The following SELP variants were observed in gnomAD, a reference collection of about 807,000 sequenced individuals.
The protein encoded by SELP is selectin P, also known as P-selectin.
SELP carries 92 observed loss-of-function variants against 104.1 expected under a neutral mutation model. The observed-to-expected ratio is 0.88, with a 90% CI of 0.75 to 1.05. The LOEUF (loss-of-function observed/expected upper bound fraction) is 1.05, where lower values mean the gene tolerates loss of function less well. Ranked by LOEUF, SELP falls within the 50% of genes least tolerant of loss-of-function variation. SELP has a pLI of 0.00. For synonymous variants in SELP, 397 were observed against 364.5 expected, an observed-to-expected ratio of 1.09 and a Z score of -1.01; for missense variants, 1,022 against 1,017.3, an observed-to-expected ratio of 1.00 and a Z score of -0.06.
At chr1:169,616,213 C>T (rs1662801165) in intron 3 of SELP, among the ~76,000 whole-genome samples, 1 of 152,208 alleles carries the variant, frequency 6.6e-6, no homozygotes, top group African/African-American at 2.4e-5. Context: ...TACCCTCCCA[C>T]CAAAGTTCAA....
At chr1:169,629,627 G>A (rs1420830750) in intron 1 of SELP, among the ~76,000 whole-genome samples, 1 of 152,302 alleles carries the variant, frequency 6.6e-6, no homozygotes, top group African/African-American at 2.4e-5. Flanking sequence ...TTGTCCCAGG[G>A]CACCTACCCA....
intron 2 of SELP, among the ~76,000 whole-genome samples, chr1:169,617,722 T>G (rs1213280408): frequency 6.6e-6 from 1 of 152,188 alleles, no homozygotes. Context: ...CTCCTGTCCT[T>G]TTATAAAAGA....
At chr1:169,604,959 T>C (rs1454445625) in intron 9 of SELP, among the ~76,000 whole-genome samples, 5 of 152,212 alleles carry the variant, frequency 3.3e-5, no homozygotes, top group Non-Finnish European at 7.3e-5. Context: ...CAGCCCACAT[T>C]TGGGTATTTC....
chr1:169,629,977 T>C lies in SELP; in HGVS notation c.3+95A>G, dbSNP rs375282294. 905 of 1,494,458 alleles carry C rather than the reference T, an allele frequency of 6.1e-4. 13 individuals are homozygous for C. In the South Asian group the frequency reaches 9.5e-3, roughly 16 times the overall value. The allele number at this position is 1,494,458 out of a possible 1,614,324, so 92.6% of individuals were successfully genotyped here. On this transcript the variant is annotated intron_variant, in intron 1 of 16. Transcript: ENST00000263686. ...CAACATAAAACTCCATGGCTATCGC[T>C]GTTCCTCACTTTCTGAACCTTTACC...
intron 3 of SELP, among the ~76,000 whole-genome samples, chr1:169,616,761 G>A (rs924082787): frequency 2.0e-5 from 3 of 152,168 alleles, no homozygotes; most frequent in African/African-American, 7.2e-5. Context: ...CTAAAACCTC[G>A]TGAGTGTCCT....
chr1:169,596,677 T>G (rs914691416), intron 11 of SELP, among the ~76,000 whole-genome samples: 2 of 152,246 alleles, frequency 1.3e-5, no homozygotes, highest in Non-Finnish European at 2.9e-5. Flanking sequence ...ACTGGACCAG[T>G]GACTCTACCC....
chr1:169,594,630 G>A, intron 13 of SELP, 62 bp downstream of exon 13: 1 of 1,525,984 alleles, frequency 6.6e-7, no homozygotes, highest in South Asian at 1.2e-5. Flanking sequence ...ACACAGGGAA[G>A]AAACACTGAT....
chr1:169,613,587 G>A lies in SELP; in HGVS notation c.588C>T (p.Tyr196=), dbSNP rs139931786. 110 of 1,610,332 alleles carry A rather than the reference G, an allele frequency of 6.8e-5. 2 individuals carry two copies. The highest frequency in any genetic ancestry group is 3.4e-4 in the South Asian group (31 of 91,016). ...YPGFYGPECE[Y]VRECGELELP... ...ATATCAACAAAAAGGAAGCCTCACC[G>A]TATTCACATTCTGGCCCATAGAATC... Residue 196 remains tyrosine (Y), a splice_region_variant and synonymous_variant, in exon 4 of 17, where the codon TAC becomes TAT. Coordinates refer to ENST00000263686, the MANE Select transcript of SELP (RefSeq NM_003005.4).
chr1:169,603,340 T>C, intron 9 of SELP, 129 bp from the exon 10 acceptor site: 1 of 698,260 alleles, frequency 1.4e-6, no homozygotes, highest in Non-Finnish European at 2.3e-6. Flanking sequence ...TGTGTGTGTG[T>C]GTGTGTGTGA....
chr1:169,611,934 C>A (rs146986612), intron 6 of SELP, among the ~76,000 whole-genome samples: 5 of 152,170 alleles, frequency 3.3e-5, no homozygotes, highest in African/African-American at 1.2e-4. Flanking sequence ...CTCAGTAGGT[C>A]TTCTAGTGTC....
Position 169,591,470 on chromosome 1 carries a change from G to C in SELP, c.2408-14C>G. The C allele has an allele frequency of 6.6e-7, 1 of 1,514,106 alleles. No homozygotes were observed. The highest frequency in any genetic ancestry group is 9.0e-7 in the Non-Finnish European group (1 of 1,116,378). The allele number at this position is 1,514,106 out of a possible 1,614,324, so 93.8% of individuals were successfully genotyped here. Reference sequence around the variant, plus strand: ...ATTTCCCATCATCTAAAATCAGCAAGAAGACAAGAATGAATGATTAAAAAA... The same window carrying C: ...ATTTCCCATCATCTAAAATCAGCAACAAGACAAGAATGAATGATTAAAAAA... On this transcript the variant is annotated splice_polypyrimidine_tract_variant and intron_variant, in intron 14 of 16. Transcript: ENST00000263686.
In SELP at chr1:169,594,887, A is replaced by G. The variant is rs752853885; in HGVS notation, c.2102-10T>C. ...TCTGAGCATTTCACAGCTGCAGAAA[A>G]GAAATAATGCAAGAGAAACAACATG... is the stretch of plus-strand genomic sequence containing the variant. On this transcript the variant is annotated splice_polypyrimidine_tract_variant and intron_variant, in intron 12 of 16. Transcript: ENST00000263686. 2 of 1,607,338 alleles carry G rather than the reference A, an allele frequency of 1.2e-6. No individual in the cohort carries two copies. Among genetic ancestry groups the G allele is most frequent in the Non-Finnish European group, 1.7e-6 (2 of 1,175,280 alleles).
chr1:169,610,605 T>C (rs1297706223), intron 7 of SELP, among the ~76,000 whole-genome samples: 1 of 152,090 alleles, frequency 6.6e-6, no homozygotes, highest in Non-Finnish European at 1.5e-5. Context: ...GAGACCAGCC[T>C]GGCCAAAGTG....
intron 9 of SELP, among the ~76,000 whole-genome samples, chr1:169,606,697 A>G (rs749215687): frequency 1.3e-5 from 2 of 152,148 alleles, no homozygotes; most frequent in Non-Finnish European, 2.9e-5. Flanking sequence ...AAAGACCCTG[A>G]TAAGGAGTTA....
In SELP at chr1:169,588,852, G is replaced by C. The variant is rs1005574309; in HGVS notation, c.*611C>G. 25 of 152,202 alleles carry C rather than the reference G, an allele frequency of 1.6e-4. No individual in the cohort carries two copies. Among genetic ancestry groups the C allele is most frequent in the African/African-American group, 6.0e-4 (25 of 41,462 alleles). 9.4% of individuals were successfully genotyped at this position (152,202 alleles called of 1,614,324 possible). Reference sequence around the variant, plus strand: ...CATAAAATAGAGGAACACGGCATTTGGGGAAAATTCTTTTAATTACGCATT... The same window carrying C: ...CATAAAATAGAGGAACACGGCATTTCGGGAAAATTCTTTTAATTACGCATT... On this transcript the variant is annotated 3_prime_UTR_variant, in exon 17 of 17. Transcript: ENST00000263686.
intron 1 of SELP, among the ~76,000 whole-genome samples, chr1:169,624,291 A>T (rs1663271265): frequency 6.6e-6 from 1 of 152,196 alleles, no homozygotes; most frequent in Non-Finnish European, 1.5e-5. Flanking sequence ...ACAAGAGGAA[A>T]TTCCTCTCTA....
chr1:169,614,803 G>A (rs1204891759), intron 3 of SELP, among the ~76,000 whole-genome samples: 3 of 152,180 alleles, frequency 2.0e-5, no homozygotes, highest in African/African-American at 7.2e-5. Flanking sequence ...ACACTGGGAA[G>A]GGTTCAAATA....
intron 11 of SELP, 97 bp from the exon 12 acceptor site, chr1:169,596,231 C>A: frequency 9.3e-7 from 1 of 1,075,608 alleles, no homozygotes; most frequent in Non-Finnish European, 1.4e-6. Flanking sequence ...TCACTCCCTT[C>A]ATAACAAGGG....
At chr1:169,605,343 G>A (rs537149108) in intron 9 of SELP, among the ~76,000 whole-genome samples, 1 of 152,286 alleles carries the variant, frequency 6.6e-6, no homozygotes, top group South Asian at 2.1e-4. Context: ...CCAACCCTAA[G>A]TCCAGGGGCT....
Sources: gnomAD v4.1 joint callset for allele counts (sites outside exome capture counted in the v4.1 genomes callset) on GRCh38, gnomAD v4.1.1 for gene constraint, MANE v1.5 for transcripts, NCBI Gene and HGNC (gene_info 2026-07-23, HGNC 2026-07-21) for gene names.